The following CSMD3 variants were observed in gnomAD, a reference collection of about 807,000 sequenced individuals.
CSMD3 encodes CUB and Sushi multiple domains 3.
CSMD3 carries 177 observed loss-of-function variants against 435.2 expected under a neutral mutation model. The ratio of observed to expected loss-of-function variants is 0.41; its 90% CI spans 0.36 to 0.46. The LOEUF is 0.46. Among genes scored for constraint, CSMD3 ranks in the 20% least tolerant of loss-of-function variants. The pLI is 0.34. For synonymous variants in CSMD3, 1,656 were observed against 1,520.5 expected, an observed-to-expected ratio of 1.09 and a Z score of -2.07; for missense variants, 4,265 against 4,504.6, an observed-to-expected ratio of 0.95 and a Z score of 1.52.
At chr8:112,977,584 C>G (rs189031487) in intron 6 of CSMD3, among the ~76,000 whole-genome samples, 4 of 152,084 alleles carry the variant, frequency 2.6e-5, no homozygotes, top group Non-Finnish European at 4.4e-5. Flanking sequence ...CACTCACAGG[C>G]AAACAGAAAA....
At chr8:112,729,637 T>G (rs1191504495) in intron 13 of CSMD3, among the ~76,000 whole-genome samples, 1 of 152,046 alleles carries the variant, frequency 6.6e-6, no homozygotes, top group Non-Finnish European at 1.5e-5. Flanking sequence ...CTAAATGACA[T>G]CATGTGTCCA....
chr8:113,157,650 C>G (rs938770463), intron 4 of CSMD3, among the ~76,000 whole-genome samples: 1 of 152,026 alleles, frequency 6.6e-6, no homozygotes, highest in African/African-American at 2.4e-5. Context: ...AACAATGGTA[C>G]ATTTTATACG....
At chr8:112,588,987 T>C (rs774686486) in intron 22 of CSMD3, among the ~76,000 whole-genome samples, 1 of 152,172 alleles carries the variant, frequency 6.6e-6, no homozygotes, top group Non-Finnish European at 1.5e-5. Flanking sequence ...AAAATGCACA[T>C]ATATTTTTGT....
In CSMD3 at chr8:112,230,784, C is replaced by T. The variant is rs147769996; in HGVS notation, c.10828+761G>A. On this transcript the variant is annotated intron_variant, in intron 69 of 70. Transcript: ENST00000297405. The stretch of plus-strand genomic sequence containing the variant: ...CCAAGACTGTGCCATTGCACTCCAG[C>T]CTGGGTGACAAGAGCATGACTCTGT... Among the ~76,000 whole-genome samples the T allele has an allele frequency of 3.3e-3, 503 of 151,844 alleles. 4 individuals are homozygous for T. The highest frequency in any genetic ancestry group is 0.012 in the African/African-American group (489 of 41,408).
intron 5 of CSMD3, among the ~76,000 whole-genome samples, chr8:113,078,696 T>C (rs1051457649): frequency 2.0e-5 from 3 of 152,196 alleles, no homozygotes; most frequent in Non-Finnish European, 4.4e-5. Context: ...AGTCCATTTA[T>C]TTTCCTCCTT....
At chr8:112,402,819 T>C (rs1167986519) in intron 35 of CSMD3, among the ~76,000 whole-genome samples, 1 of 152,226 alleles carries the variant, frequency 6.6e-6, no homozygotes, top group Non-Finnish European at 1.5e-5. Flanking sequence ...AATTTATGCA[T>C]ATTGCATGAC....
intron 1 of CSMD3, among the ~76,000 whole-genome samples, chr8:113,388,570 G>A (rs988981452): frequency 1.3e-5 from 2 of 151,336 alleles, no homozygotes; most frequent in Non-Finnish European, 3.0e-5. Context: ...TTAAACCAAC[G>A]TCTGGCACTT....
chr8:112,859,875 G>A (rs1183603425), intron 10 of CSMD3, among the ~76,000 whole-genome samples: 3 of 151,724 alleles, frequency 2.0e-5, no homozygotes, highest in Non-Finnish European at 4.4e-5. Context: ...TGACCATACT[G>A]TTTCTGTTTC....
At chr8:112,312,808 G>T (rs146379491) in intron 49 of CSMD3, among the ~76,000 whole-genome samples, 3 of 152,232 alleles carry the variant, frequency 2.0e-5, no homozygotes, top group Non-Finnish European at 4.4e-5. Flanking sequence ...GTATAAATGA[G>T]TAAAATTCAA....
chr8:113,411,546 C>T (rs2094559938), intron 1 of CSMD3, among the ~76,000 whole-genome samples: 1 of 152,116 alleles, frequency 6.6e-6, no homozygotes, highest in African/African-American at 2.4e-5. Flanking sequence ...AAGCTGCAAA[C>T]TTCAATAAGT....
chr8:112,560,842 T>C (rs1173718513), intron 24 of CSMD3, among the ~76,000 whole-genome samples: 2 of 151,712 alleles, frequency 1.3e-5, no homozygotes. Flanking sequence ...CCAGCAGATA[T>C]AATATTCAGT....
At chr8:112,585,403 T>C (rs1586738052) in intron 23 of CSMD3, among the ~76,000 whole-genome samples, 1 of 143,016 alleles carries the variant, frequency 7.0e-6, no homozygotes, top group Admixed American at 6.9e-5. Context: ...GGGCCTTACA[T>C]TGAGTCTTTT....
chr8:112,342,987 T>TTATATATATATATTTA (rs1282011335), intron 41 of CSMD3, among the ~76,000 whole-genome samples: 1 of 47,316 alleles, frequency 2.1e-5, no homozygotes, highest in African/African-American at 6.1e-5. Flanking sequence ...ATATATATAT[T>TTATATATATATATTTA]TATATATATA....
intron 3 of CSMD3, among the ~76,000 whole-genome samples, chr8:113,217,374 A>T (rs562298866): frequency 6.6e-6 from 1 of 151,870 alleles, no homozygotes; most frequent in African/African-American, 2.4e-5. Flanking sequence ...AATAGGATTC[A>T]ACAGAAACAA....
At chr8:113,150,062 G>T (rs2091770570) in intron 4 of CSMD3, among the ~76,000 whole-genome samples, 1 of 151,512 alleles carries the variant, frequency 6.6e-6, no homozygotes, top group Admixed American at 6.6e-5. Context: ...AATATTTAGT[G>T]GTGGCACTGT....
chr8:112,250,196 C>A (rs1284878415), intron 63 of CSMD3, among the ~76,000 whole-genome samples: 1 of 151,848 alleles, frequency 6.6e-6, no homozygotes, highest in Non-Finnish European at 1.5e-5. Context: ...GGACTACATA[C>A]ACTTTGTTTT....
chr8:112,709,200 T>C (rs1325545783), intron 13 of CSMD3, among the ~76,000 whole-genome samples: 1 of 152,082 alleles, frequency 6.6e-6, no homozygotes, highest in Admixed American at 6.6e-5. Flanking sequence ...TCCCCATAAA[T>C]GTATTATAAG....
At chr8:112,716,628 A>G (rs1469310864) in intron 13 of CSMD3, among the ~76,000 whole-genome samples, 1 of 152,190 alleles carries the variant, frequency 6.6e-6, no homozygotes, top group African/African-American at 2.4e-5. Context: ...GACAATCCTA[A>G]GCAATAAGAA....
intron 26 of CSMD3, among the ~76,000 whole-genome samples, chr8:112,551,736 A>G (rs1286456144): frequency 6.6e-6 from 1 of 152,100 alleles, no homozygotes; most frequent in East Asian, 1.9e-4. Context: ...TAATGTACCA[A>G]CTCACACTGC....
Sources: allele counts gnomAD v4.1 joint callset (sites outside exome capture counted in the v4.1 genomes callset), GRCh38; gene constraint gnomAD v4.1.1; transcripts MANE v1.5; gene names NCBI Gene and HGNC (gene_info 2026-07-23, HGNC 2026-07-21).